Variants in WDR90 observed in about 807,000 individuals in gnomAD.
WDR90 encodes the protein WD repeat-containing protein 90.
WDR90 carries 238 observed loss-of-function variants against 195.2 expected under a neutral mutation model. The observed-to-expected ratio is 1.22, with a 90% CI of 1.10 to 1.36. The LOEUF (loss-of-function observed/expected upper bound fraction) is 1.36, where lower values mean the gene tolerates loss of function less well. Among genes scored for constraint, WDR90 ranks in the 40% most tolerant of loss-of-function variants. The pLI, the probability that WDR90 is intolerant of heterozygous loss-of-function variation, is 0.00. For synonymous variants in WDR90, 1,265 were observed against 1,052.4 expected, an observed-to-expected ratio of 1.20 and a Z score of -3.91; for missense variants, 2,734 against 2,439.5, an observed-to-expected ratio of 1.12 and a Z score of -2.54.
Position 661,180 on chromosome 16 carries a change from C to G in WDR90, c.3513+8C>G, listed in dbSNP as rs2037904450. 1 of 1,533,664 alleles carries G rather than the reference C, an allele frequency of 6.5e-7. No individual in the cohort carries two copies. The highest frequency in any genetic ancestry group is 8.7e-7 in the Non-Finnish European group (1 of 1,144,904). ...CTCAGCCACAGTGCCCAGGTGCCCG[C>G]CTGCATCGCCCTCCTCCTCTCCCAG... is the stretch of plus-strand genomic sequence containing the variant. On this transcript the variant is annotated splice_region_variant and intron_variant, in intron 29 of 40. Coordinates refer to ENST00000293879, the MANE Select transcript of WDR90 (RefSeq NM_145294.5).
intron 28 of WDR90, 41 bp from the exon 29 acceptor site, chr16:661,010 C>CCCCG: frequency 7.9e-6 from 1 of 126,850 alleles, no homozygotes; most frequent in South Asian, 8.4e-5. Flanking sequence ...GCCCCCCCCC[C>CCCCG]CCCCCGGCCC....
In WDR90 at chr16:661,768, G is replaced by A. The variant is rs1422458448; in HGVS notation, c.3845G>A (p.Gly1282Glu). Residue 1282 changes from glycine to glutamate, a missense_variant, in exon 31 of 41, where the codon GGG (glycine) becomes GAG (glutamate). Physicochemically the swap from Gly to Glu is moderately conservative, Grantham distance 98. Coordinates refer to ENST00000293879, the MANE Select transcript of WDR90 (RefSeq NM_145294.5). Reference sequence around the variant, plus strand: ...ACCTTCTGGCTCCTTCAGCAGCGTGGGGCAGACATCAGCCTTCAGGTGCCA... The same window carrying A: ...ACCTTCTGGCTCCTTCAGCAGCGTGAGGCAGACATCAGCCTTCAGGTGCCA... Reference protein sequence around the residue: ...TVTFWLLQQRGADISLQVRRE... With the variant: ...TVTFWLLQQREADISLQVRRE... The A allele has an allele frequency of 1.2e-6, 2 of 1,604,976 alleles. No individual in the cohort carries two copies. Among genetic ancestry groups the A allele is most frequent in the Non-Finnish European group, 8.5e-7 (1 of 1,175,592 alleles).
At position 655,319 on chromosome 16, in the gene WDR90, C is replaced by T. The variant is rs773206999; in HGVS notation, c.1569C>T (p.Cys523=). 1.2e-5 allele frequency: 20 copies of T among 1,605,130 alleles called. No individual in the cohort carries two copies. The highest frequency in any genetic ancestry group is 4.0e-5 in the African/African-American group (3 of 74,914). The change falls in exon 15 of 41, where the codon TGC becomes TGT. Residue 523 remains cysteine (C), a synonymous_variant. Coordinates refer to ENST00000293879, the MANE Select transcript of WDR90 (RefSeq NM_145294.5). ...TFFDETRMAS[C]GQGSVRLWRL... ...TCATTCCTTGCAGGATGGCGTCGTG[C>T]GGGCAGGGCAGTGTGCGGCTCTGGC...
At chr16:665,926 A>G (rs1459384028) in intron 35 of WDR90, 24 bp from the exon 36 acceptor site, 1 of 1,570,690 alleles carries the variant, frequency 6.4e-7, no homozygotes, top group Non-Finnish European at 8.6e-7. Flanking sequence ...TGAGTGCTGA[A>G]GTTTCCCCAC....
At chr16:662,373 T>C (rs1405116607) in intron 33 of WDR90, 42 bp downstream of exon 33, 3 of 1,538,548 alleles carry the variant, frequency 1.9e-6, no homozygotes, top group Admixed American at 3.9e-5. Flanking sequence ...CACGTGGGTG[T>C]TGGTGTCCCT....
In WDR90 at chr16:656,390, G is replaced by A; in HGVS notation, c.2055G>A (p.Leu685=). Residue 685 remains leucine (L), a synonymous_variant, in exon 18 of 41, where the codon CTG becomes CTA. Transcript: ENST00000293879. ...CCTCCTCGGGCCACCTGGGCTTCCT[G>A]GACACGCTGTCCCGGGTGTACCACA... is the stretch of plus-strand genomic sequence containing the variant. ...SATSSGHLGF[L]DTLSRVYHML... is the part of the protein sequence containing the mutation. The A allele has an allele frequency of 6.2e-7, 1 of 1,608,794 alleles. No individual in the cohort carries two copies. The highest frequency in any genetic ancestry group is 8.5e-7 in the Non-Finnish European group (1 of 1,179,472).
intron 34 of WDR90, among the ~76,000 whole-genome samples, chr16:664,657 C>T (rs559106894): frequency 1.2e-4 from 19 of 152,052 alleles, no homozygotes; most frequent in East Asian, 3.9e-4. Context: ...TGAGTCCCTG[C>T]AGTCCCTCAT....
Position 656,487 on chromosome 16 carries a change from G to A in WDR90, c.2152G>A (p.Val718Met), listed in dbSNP as rs755440210. The A allele has an allele frequency of 7.0e-6, 11 of 1,581,950 alleles. No individual in the cohort carries two copies. Among genetic ancestry groups the A allele is most frequent in the Admixed American group, 1.8e-5 (1 of 57,032 alleles). The change falls in exon 18 of 41, where the codon GTG becomes ATG. Residue 718 changes from valine to methionine, a missense_variant. Val to Met is a conservative substitution (Grantham distance 21). Transcript: ENST00000293879. ...GCAGAGGCGGGGACAGCTGGCCACC[G>A]TGTCCCAGGACCGTACCGTCCGCAT... The part of the protein sequence containing the change: ...MEQRRGQLAT[V>M]SQDRTVRIWD...
At chr16:658,857 C>T in intron 23 of WDR90, 39 bp from the exon 24 acceptor site, 1 of 1,605,344 alleles carries the variant, frequency 6.2e-7, no homozygotes, top group Admixed American at 1.7e-5. Flanking sequence ...GCATCCATGC[C>T]CCGCCTCGGG....
chr16:656,516 G>A lies in WDR90; in HGVS notation c.2181G>A (p.Trp727Ter), dbSNP rs1453203643. ...CCCAGGACCGTACCGTCCGCATCTG[G>A]GACCTGGCCACCCTGCAGCAGGTGG... ...TVSQDRTVRI[W>*]DLATLQQLYD... The change falls in exon 18 of 41, where the codon TGG becomes TGA. Residue 727 changes from tryptophan to a stop codon, truncating the protein, a stop_gained. Transcript: ENST00000293879. LOFTEE classifies it high-confidence loss of function. The A allele has an allele frequency of 6.4e-7, 1 of 1,572,450 alleles. No individual in the cohort carries two copies. The highest frequency in any genetic ancestry group is 8.6e-7 in the Non-Finnish European group (1 of 1,160,832).
rs1317833248 is a variant in WDR90 at position 661,922 on chromosome 16, G to A, written c.3896G>A (p.Gly1299Glu). The A allele has an allele frequency of 6.2e-7, 1 of 1,609,998 alleles. No individual in the cohort carries two copies. The highest frequency in any genetic ancestry group is 1.7e-5 in the Admixed American group (1 of 60,016). Reference protein sequence around the residue: ...VRREPVPEAVGAGELTSLCYG... With the variant: ...VRREPVPEAVEAGELTSLCYG... ...CGAGAGCCAGTCCCAGAGGCAGTGG[G>A]GGCTGGAGAGCTGACCTCGCTCTGC... Residue 1299 changes from glycine (G) to glutamate (E), a missense_variant, in exon 32 of 41, where the codon GGG becomes GAG. Gly to Glu is a moderately conservative substitution (Grantham distance 98, BLOSUM62 -2). Transcript: ENST00000293879.
In WDR90 at chr16:653,662, C is replaced by T. The variant is rs752935147; in HGVS notation, c.1371C>T (p.Cys457=). 1.1e-5 allele frequency: 18 copies of T among 1,613,512 alleles called. No individual in the cohort carries two copies. The highest frequency in any genetic ancestry group is 1.5e-5 in the Non-Finnish European group (18 of 1,179,970). ...CLFRSPMHVV[C]SLSFSDSGAL... ...TCCGGAGCCCAATGCACGTTGTCTG[C>T]TCTCTCAGGTGAGCACAGGTCTGCC... is the stretch of plus-strand genomic sequence containing the variant. The change falls in exon 12 of 41, where the codon TGC becomes TGT. Residue 457 remains cysteine, a synonymous_variant. Transcript: ENST00000293879.
Position 655,482 on chromosome 16 carries a change from C to T in WDR90, c.1718+14C>T. On this transcript the variant is annotated intron_variant, in intron 15 of 40. Transcript: ENST00000293879. The stretch of plus-strand genomic sequence containing the variant: ...GGCTGCCATGCTGTGAGTCCCTGCC[C>T]TTCCCCACGGCCTGCCCCGGCATGG... 1.3e-6 allele frequency: 2 copies of T among 1,528,662 alleles called. No individual in the cohort carries two copies. Among genetic ancestry groups the T allele is most frequent in the Non-Finnish European group, 1.8e-6 (2 of 1,137,862 alleles). The allele number at this position is 1,528,662 out of a possible 1,614,324, so 94.7% of individuals were successfully genotyped here.
Position 649,867 on chromosome 16 carries a change from G to C in WDR90, c.102+13G>C. The C allele has an allele frequency of 6.3e-7, 1 of 1,575,038 alleles. No individual in the cohort carries two copies. The highest frequency in any genetic ancestry group is 1.1e-5 in the South Asian group (1 of 87,630). On this transcript the variant is annotated intron_variant, in intron 2 of 40. Transcript: ENST00000293879. ...GGCCGTGGTCACGGTAGGCGGCCGG[G>C]GGCTCGCCCGGAGCCCACACCCCTG...
Position 666,284 on chromosome 16 carries a change from A to C in WDR90, c.4674A>C (p.Thr1558=). Residue 1558 remains threonine (T), a synonymous_variant, in exon 37 of 41, where the codon ACA becomes ACC. Coordinates refer to ENST00000293879, the MANE Select transcript of WDR90 (RefSeq NM_145294.5). ...CTGTGAGCCACCCCTGCACAGGGACAACCTTCCGTGTGCTGAGTGACCACC... is the reference window on the plus strand; with the variant it reads ...CTGTGAGCCACCCCTGCACAGGGACCACCTTCCGTGTGCTGAGTGACCACC... The part of the protein sequence containing the change: ...LVAVSHPCTG[T]TFRVLSDHQG... 6.2e-7 allele frequency: 1 copy of C among 1,612,722 alleles called. No individual in the cohort carries two copies. Among genetic ancestry groups the C allele is most frequent in the South Asian group, 1.1e-5 (1 of 91,084 alleles).
intron 9 of WDR90, 185 bp downstream of exon 9, chr16:652,224 G>T: frequency 2.4e-6 from 2 of 849,790 alleles, no homozygotes; most frequent in Non-Finnish European, 3.6e-6. Flanking sequence ...AAAGAGTAAG[G>T]CAGGGCTTCT....
intron 26 of WDR90, 128 bp from the exon 27 acceptor site, chr16:659,930 C>T: frequency 2.7e-6 from 2 of 731,482 alleles, no homozygotes; most frequent in Non-Finnish European, 4.4e-6. Flanking sequence ...GTGGCTCCGG[C>T]CTGTGCCCCG....
chr16:650,200 G>C (rs1567213270), intron 3 of WDR90, 33 bp downstream of exon 3: 2 of 1,610,050 alleles, frequency 1.2e-6, no homozygotes, highest in Non-Finnish European at 1.7e-6. Flanking sequence ...CTGCGTGGGA[G>C]CCCCGGCACC....
At chr16:662,193 G>C (rs757199610) in intron 32 of WDR90, 27 bp from the exon 33 acceptor site, 2 of 1,521,834 alleles carry the variant, frequency 1.3e-6, no homozygotes, top group East Asian at 2.4e-5. Flanking sequence ...GGCAGCCGTG[G>C]CCCCTTATGG....
Sources: allele counts gnomAD v4.1 joint callset (sites outside exome capture counted in the v4.1 genomes callset), GRCh38; gene constraint gnomAD v4.1.1; transcripts MANE v1.5; gene names NCBI Gene and HGNC (gene_info 2026-07-23, HGNC 2026-07-21).